Variants in ROBO1 observed in about 807,000 individuals in gnomAD.
ROBO1 encodes roundabout guidance receptor 1.
Under a neutral mutation model 195.9 loss-of-function variants are expected in ROBO1, and 149 were observed. The observed-to-expected ratio is 0.76, with a 90% CI of 0.67 to 0.87. The LOEUF (loss-of-function observed/expected upper bound fraction) is 0.87. ROBO1 is among the 40% of genes least tolerant of loss of function. The pLI is 0.00. For missense variants in ROBO1, 1,933 were observed against 2,068.3 expected (o/e 0.93, Z 1.27); for synonymous variants, 816 against 733.2 (o/e 1.11, Z -1.82).
intron 1 of ROBO1, among the ~76,000 whole-genome samples, chr3:79,633,370 T>TTTGG (rs1945402813): frequency 6.7e-6 from 1 of 148,628 alleles, no homozygotes; most frequent in Admixed American, 6.7e-5. Context: ...TTTTTTTTTT[T>TTTGG]GGAGAGATGG....
rs1297403521 is a variant in ROBO1 at position 78,617,979 on chromosome 3, T to A, written c.3938A>T (p.Tyr1313Phe). The change falls in exon 27 of 31, where the codon TAC (tyrosine) becomes TTC (phenylalanine). Residue 1313 changes from tyrosine to phenylalanine, a missense_variant. Around this residue, in one of 3 missense-constraint regions of ROBO1, gnomAD observed 1,737 missense variants for 1,882.5 expected, o/e 0.92. Coordinates refer to ENST00000464233, the MANE Select transcript of ROBO1 (RefSeq NM_002941.4). Reference sequence around the variant, plus strand: ...ATCTGAGACCAGGGGTCCTGAAATGTAGCCATAGGTATGTGGAGGGGAGAT... The same window carrying A: ...ATCTGAGACCAGGGGTCCTGAAATGAAGCCATAGGTATGTGGAGGGGAGAT... ...RPISPPHTYG[Y>F]ISGPLVSDMD... is the part of the protein sequence containing the mutation. 1 of 1,613,960 alleles carries A rather than the reference T, an allele frequency of 6.2e-7. No individual in the cohort carries two copies. Among genetic ancestry groups the A allele is most frequent in the Admixed American group, 1.7e-5 (1 of 60,010 alleles).
intron 4 of ROBO1, among the ~76,000 whole-genome samples, chr3:78,814,247 C>T (rs539276789): frequency 2.0e-5 from 3 of 152,068 alleles, no homozygotes; most frequent in South Asian, 4.2e-4. Context: ...ATGTGAGCCA[C>T]ATATGCAATT....
intron 3 of ROBO1, among the ~76,000 whole-genome samples, chr3:79,056,948 G>C (rs577505894): frequency 6.6e-6 from 1 of 152,076 alleles, no homozygotes; most frequent in Non-Finnish European, 1.5e-5. Context: ...GATTTGATCC[G>C]AATTTAATTG....
intron 20 of ROBO1, among the ~76,000 whole-genome samples, chr3:78,646,773 T>G (rs1409176208): frequency 6.6e-6 from 1 of 151,978 alleles, no homozygotes; most frequent in Non-Finnish European, 1.5e-5. Flanking sequence ...TTTCTCATTA[T>G]ATTTTCATCA....
At chr3:79,223,663 C>T (rs571827914) in intron 2 of ROBO1, among the ~76,000 whole-genome samples, 10 of 152,128 alleles carry the variant, frequency 6.6e-5, no homozygotes, top group Non-Finnish European at 1.5e-4. Context: ...TCATACAGGT[C>T]ATTACACAAC....
At position 79,646,450 on chromosome 3, in the gene ROBO1, A is replaced by G. The variant is rs145869977; in HGVS notation, c.-50-56489T>C. On this transcript the variant is annotated intron_variant, in intron 1 of 30. Transcript: ENST00000464233. Reference sequence around the variant, plus strand: ...ATGTGGAGAAAGGGAATTCTTGTACACTGTTGGGAATGTAAATTAGAACAA... The same window carrying G: ...ATGTGGAGAAAGGGAATTCTTGTACGCTGTTGGGAATGTAAATTAGAACAA... Among the ~76,000 whole-genome samples the G allele has an allele frequency of 2.6e-5, 4 of 152,280 alleles. No homozygotes were observed. The East Asian group carries it at 7.7e-4, about 29-fold the overall frequency.
chr3:78,650,758 G>A (rs1706594466), intron 19 of ROBO1, among the ~76,000 whole-genome samples: 1 of 152,132 alleles, frequency 6.6e-6, no homozygotes, highest in Admixed American at 6.6e-5. Flanking sequence ...ACTGAAGGAT[G>A]GGCCCTATAA....
intron 1 of ROBO1, among the ~76,000 whole-genome samples, chr3:79,668,785 A>G (rs1358867142): frequency 2.0e-5 from 3 of 151,876 alleles, no homozygotes; most frequent in Non-Finnish European, 1.5e-5. Flanking sequence ...TTTGAGTTTT[A>G]TAATTTGAAT....
At chr3:79,659,147 T>C (rs761746874) in intron 1 of ROBO1, among the ~76,000 whole-genome samples, 1 of 152,132 alleles carries the variant, frequency 6.6e-6, no homozygotes, top group Non-Finnish European at 1.5e-5. Context: ...TTGTGTAAAT[T>C]TGTGTATATT....
intron 1 of ROBO1, among the ~76,000 whole-genome samples, chr3:79,640,216 G>A (rs1047231040): frequency 1.3e-5 from 2 of 152,086 alleles, no homozygotes; most frequent in African/African-American, 4.8e-5. Context: ...GATAGCTTGG[G>A]AAATATGTAT....
At position 79,464,718 on chromosome 3, in the gene ROBO1, T is replaced by C; in HGVS notation, c.88+125106A>G. Among the ~76,000 whole-genome samples, 4 of 152,368 alleles carry C rather than the reference T, an allele frequency of 2.6e-5. No individual in the cohort carries two copies. In the Middle Eastern group the frequency reaches 0.01, roughly 389 times the overall value. ...TTTATTTTCTTGATGATATCCATTA[T>C]TACACAAATTTTATAATTTTGATGA... On this transcript the variant is annotated intron_variant, in intron 2 of 30. Transcript: ENST00000464233.
chr3:79,433,639 T>C (rs2038768710), intron 2 of ROBO1, among the ~76,000 whole-genome samples: 1 of 152,110 alleles, frequency 6.6e-6, no homozygotes, highest in Admixed American at 6.5e-5. Context: ...AGGTAATTTA[T>C]AGATTCAATG....
intron 2 of ROBO1, among the ~76,000 whole-genome samples, chr3:79,365,848 G>T (rs1440607137): frequency 6.8e-6 from 1 of 147,636 alleles, no homozygotes; most frequent in African/African-American, 2.5e-5. Context: ...AGTGAGCCGA[G>T]ATCGCGCCAC....
chr3:79,067,379 T>G (rs995140281), intron 3 of ROBO1, among the ~76,000 whole-genome samples: 2 of 151,986 alleles, frequency 1.3e-5, no homozygotes, highest in East Asian at 3.9e-4. Flanking sequence ...ATCTTACAAG[T>G]TTAATGATGC....
At position 79,434,727 on chromosome 3, in the gene ROBO1, G is replaced by A. The variant is rs554029569; in HGVS notation, c.88+155097C>T. 4.2e-4 allele frequency among the ~76,000 whole-genome samples: 64 copies of A among 152,202 alleles called. 1 individual carries two copies. The highest frequency in any genetic ancestry group is 1.5e-3 in the African/African-American group (63 of 41,526). Reference sequence around the variant, plus strand: ...CCCATTACTGGGTATATACCCAAAGGATTAGAAATCATGCTGCTGTAAAGA... The same window carrying A: ...CCCATTACTGGGTATATACCCAAAGAATTAGAAATCATGCTGCTGTAAAGA... On this transcript the variant is annotated intron_variant, in intron 2 of 30. Transcript: ENST00000464233.
chr3:78,611,836 C>A (rs1207326225), intron 28 of ROBO1, among the ~76,000 whole-genome samples: 2 of 152,168 alleles, frequency 1.3e-5, no homozygotes, highest in Non-Finnish European at 2.9e-5. Flanking sequence ...CACACATACA[C>A]TGGGGGAAGA....
At chr3:79,681,464 G>A (rs1297124246) in intron 1 of ROBO1, among the ~76,000 whole-genome samples, 1 of 152,020 alleles carries the variant, frequency 6.6e-6, no homozygotes, top group Non-Finnish European at 1.5e-5. Context: ...ACTGGGAAAG[G>A]AATCCAGAAG....
chr3:78,891,319 G>A (rs899319390), intron 4 of ROBO1, among the ~76,000 whole-genome samples: 18 of 151,618 alleles, frequency 1.2e-4, no homozygotes, highest in African/African-American at 4.4e-4. Flanking sequence ...CAGACATTTC[G>A]CAAAAGATAT....
At chr3:79,275,622 CTTGG>C (rs1191406806) in intron 2 of ROBO1, among the ~76,000 whole-genome samples, 1 of 151,806 alleles carries the variant, frequency 6.6e-6, no homozygotes. Flanking sequence ...TACTAGAAGT[CTTGG>C]TTGGAGCAAT....
Sources: allele counts gnomAD v4.1 joint callset (sites outside exome capture counted in the v4.1 genomes callset), GRCh38; gene constraint gnomAD v4.1.1; regional missense constraint gnomAD v4.1.1; transcripts MANE v1.5; gene names NCBI Gene and HGNC (gene_info 2026-07-23, HGNC 2026-07-21).